MEGF10: variants seen among roughly 807,000 people sequenced by gnomAD.
The protein encoded by MEGF10 is multiple EGF like domains 10, also known as multiple epidermal growth factor-like domains protein 10.
A neutral mutation model predicts 147.5 loss-of-function variants in MEGF10; 86 were observed. The ratio of observed to expected loss-of-function variants is 0.58; its 90% CI spans 0.49 to 0.70. MEGF10 has a LOEUF of 0.70. Among genes scored for constraint, MEGF10 ranks in the 30% least tolerant of loss-of-function variants. The pLI is 0.00. For synonymous variants in MEGF10, 478 were observed against 525.5 expected, an observed-to-expected ratio of 0.91 and a Z score of 1.24; for missense variants, 1,329 against 1,487.3, an observed-to-expected ratio of 0.89 and a Z score of 1.75.
At chr5:127,415,166 G>A (rs1764711320) in intron 9 of MEGF10, among the ~76,000 whole-genome samples, 1 of 152,168 alleles carries the variant, frequency 6.6e-6, no homozygotes, top group African/African-American at 2.4e-5. Context: ...AGAGGTTGAG[G>A]AGTAGGCAGT....
At chr5:127,433,116 GA>G (rs1765440443) in intron 13 of MEGF10, among the ~76,000 whole-genome samples, 1 of 152,162 alleles carries the variant, frequency 6.6e-6, no homozygotes, top group African/African-American at 2.4e-5. Context: ...GCCTCCTCCT[GA>G]AGAAGAAAAA....
chr5:127,241,389 C>A, the MEGF10 span, among the ~76,000 whole-genome samples: 1 of 152,078 alleles, frequency 6.6e-6, no homozygotes, highest in African/African-American at 2.4e-5. Flanking sequence ...TTATAGGTAA[C>A]AAAGGAATGT....
intron 1 of MEGF10, among the ~76,000 whole-genome samples, chr5:127,312,474 A>C (rs1195912918): frequency 1.3e-5 from 2 of 152,176 alleles, no homozygotes; most frequent in Non-Finnish European, 2.9e-5. Flanking sequence ...TTTTTGTTTC[A>C]GAGAATAACA....
chr5:127,437,188 G>A (rs1344077780), intron 16 of MEGF10, among the ~76,000 whole-genome samples: 1 of 152,168 alleles, frequency 6.6e-6, no homozygotes, highest in East Asian at 1.9e-4. Context: ...TGGGCTAGAC[G>A]CTTCAACAGT....
intron 13 of MEGF10, among the ~76,000 whole-genome samples, chr5:127,429,734 T>C (rs1172247993): frequency 6.6e-5 from 10 of 152,306 alleles, no homozygotes; most frequent in East Asian, 1.9e-4. Flanking sequence ...TTTTTTTTAT[T>C]TGGGGAACCC....
intron 4 of MEGF10, among the ~76,000 whole-genome samples, chr5:127,341,831 C>T (rs1430904309): frequency 6.6e-6 from 1 of 152,122 alleles, no homozygotes; most frequent in African/African-American, 2.4e-5. Flanking sequence ...TAATCAATCT[C>T]AGCTGTTGAA....
the MEGF10 span, among the ~76,000 whole-genome samples, chr5:127,269,051 C>G: frequency 6.6e-6 from 1 of 152,218 alleles, no homozygotes; most frequent in East Asian, 1.9e-4. Context: ...GGAAAACTAA[C>G]AAACAGAAAG....
intron 1 of MEGF10, among the ~76,000 whole-genome samples, chr5:127,312,936 TTTGA>T (rs1175215727): frequency 3.9e-5 from 6 of 152,346 alleles, no homozygotes; most frequent in South Asian, 2.1e-4. Context: ...AAGGTCTGTC[TTTGA>T]TTGTGGCAGT....
chr5:127,310,052 T>C (rs1334410833), intron 1 of MEGF10, among the ~76,000 whole-genome samples: 1 of 134,774 alleles, frequency 7.4e-6, no homozygotes, highest in East Asian at 2.0e-4. Context: ...CTTTATTTCT[T>C]TCTTTCTTTC....
intron 21 of MEGF10, among the ~76,000 whole-genome samples, chr5:127,448,325 AT>A (rs2127030832): frequency 6.6e-6 from 1 of 152,348 alleles, no homozygotes; most frequent in Non-Finnish European, 1.5e-5. Context: ...AAGAGTGATT[AT>A]TATGCCGATT....
chr5:127,357,341 T>A (rs1256993602), intron 4 of MEGF10, among the ~76,000 whole-genome samples: 1 of 152,136 alleles, frequency 6.6e-6, no homozygotes, highest in Admixed American at 6.6e-5. Flanking sequence ...AATATGCATA[T>A]AAAGTGGCTC....
chr5:127,336,682 G>A (rs919899627), intron 2 of MEGF10, among the ~76,000 whole-genome samples: 2 of 151,968 alleles, frequency 1.3e-5, no homozygotes, highest in Non-Finnish European at 2.9e-5. Context: ...ATCATAACAT[G>A]GCCTTTGAAA....
chr5:127,421,220 C>G (rs1764988921), intron 12 of MEGF10, among the ~76,000 whole-genome samples: 3 of 152,146 alleles, frequency 2.0e-5, no homozygotes, highest in Admixed American at 6.5e-5. Context: ...CTTTTTCATA[C>G]CTTAGAGGAG....
the MEGF10 span, among the ~76,000 whole-genome samples, chr5:127,276,291 G>A: frequency 6.6e-5 from 10 of 152,324 alleles, no homozygotes; most frequent in African/African-American, 1.7e-4. Context: ...GCTGTAAACC[G>A]TAGGATATAG....
chr5:127,367,942 C>A (rs1023863194), intron 4 of MEGF10, among the ~76,000 whole-genome samples: 3 of 152,142 alleles, frequency 2.0e-5, no homozygotes, highest in African/African-American at 7.2e-5. Context: ...CCAGAGCATA[C>A]CCTGCACTGT....
chr5:127,334,017 T>A (rs1761372459), intron 2 of MEGF10, among the ~76,000 whole-genome samples: 1 of 152,102 alleles, frequency 6.6e-6, no homozygotes, highest in Non-Finnish European at 1.5e-5. Flanking sequence ...ACTGATAAAT[T>A]TTCTGTTGTA....
chr5:127,402,565 C>A lies in MEGF10; in HGVS notation c.800C>A (p.Pro267His), dbSNP rs1764174314. ...SGWMGTVCGQ[P>H]CPEGRFGKNC... ...ATGCAGGGCACAGTGTGTGGTCAGCCTTGCCCCGAGGGTCGCTTTGGAAAG... is the reference window on the plus strand; with the variant it reads ...ATGCAGGGCACAGTGTGTGGTCAGCATTGCCCCGAGGGTCGCTTTGGAAAG... Residue 267 changes from proline to histidine, a missense_variant, in exon 8 of 25, where the codon CCT becomes CAT. By Grantham distance (77) the Pro-to-His change is moderately conservative. This residue lies in a region of MEGF10 where 980 missense variants were observed against 1,085.9 expected (regional missense o/e 0.90). Coordinates refer to ENST00000503335, the MANE Select transcript of MEGF10 (RefSeq NM_001256545.2). 1.2e-6 allele frequency: 2 copies of A among 1,613,788 alleles called. No homozygotes were observed. Among genetic ancestry groups the A allele is most frequent in the South Asian group, 2.2e-5 (2 of 91,060 alleles).
intron 18 of MEGF10, among the ~76,000 whole-genome samples, chr5:127,442,360 A>G (rs1167773330): frequency 1.3e-5 from 2 of 152,212 alleles, no homozygotes; most frequent in Non-Finnish European, 2.9e-5. Flanking sequence ...ACATGCTTAC[A>G]CTATCCTTTG....
intron 21 of MEGF10, 66 bp from the exon 22 acceptor site, chr5:127,449,033 C>A: frequency 6.3e-7 from 1 of 1,588,860 alleles, no homozygotes; most frequent in East Asian, 2.2e-5. Context: ...TTCCCCAGGT[C>A]CATAACGCTG....
Sources: allele counts gnomAD v4.1 joint callset (sites outside exome capture counted in the v4.1 genomes callset), GRCh38; gene constraint gnomAD v4.1.1; regional missense constraint gnomAD v4.1.1; transcripts MANE v1.5; gene names NCBI Gene and HGNC (gene_info 2026-07-23, HGNC 2026-07-21).